Variants in CDH3 observed in about 807,000 individuals in gnomAD.
CDH3 encodes the protein cadherin 3.
A neutral mutation model predicts 82.0 loss-of-function variants in CDH3; 54 were observed. The observed-to-expected ratio is 0.66, with a 90% CI of 0.53 to 0.83. The LOEUF (loss-of-function observed/expected upper bound fraction) is 0.83, where lower values mean the gene tolerates loss of function less well. Among genes scored for constraint, CDH3 ranks in the 40% least tolerant of loss-of-function variants. CDH3 has a pLI of 0.00. For missense variants in CDH3, 1,054 were observed against 1,084.6 expected (o/e 0.97, Z 0.40); for synonymous variants, 446 against 437.9 (o/e 1.02, Z -0.23).
intron 2 of CDH3, among the ~76,000 whole-genome samples, chr16:68,659,015 A>G (rs1275319607): frequency 6.6e-6 from 1 of 152,180 alleles, no homozygotes; most frequent in Non-Finnish European, 1.5e-5. Context: ...TTTTTTCAAT[A>G]AAAATATGTG....
intron 1 of CDH3, 37 bp downstream of exon 1, chr16:68,645,461 G>A (rs1333731032): frequency 1.9e-6 from 3 of 1,606,660 alleles, no homozygotes; most frequent in Non-Finnish European, 1.7e-6. Flanking sequence ...GACCGGGACC[G>A]CTCCCTGGGG....
chr16:68,658,159 C>T (rs1960457491), intron 2 of CDH3, among the ~76,000 whole-genome samples: 1 of 151,324 alleles, frequency 6.6e-6, no homozygotes, highest in Admixed American at 6.6e-5. Flanking sequence ...CTCAGCACCC[C>T]AAAGTTGGGA....
At chr16:68,657,201 A>G (rs1960429285) in intron 2 of CDH3, among the ~76,000 whole-genome samples, 1 of 152,002 alleles carries the variant, frequency 6.6e-6, no homozygotes. Context: ...AGTGAACCAG[A>G]ATGCCTCACC....
chr16:68,731,020 CAAAAAAAAAAAAAAA>C (rs1168041237), downstream of CDH3, among the ~76,000 whole-genome samples: 1 of 34,904 alleles, frequency 2.9e-5, no homozygotes, highest in African/African-American at 1.8e-4. Flanking sequence ...AACTCCGTCT[CAAAAAAAAAAAAAAA>C]AAAAAAAAAA....
At chr16:68,702,651 G>A (rs892280422), downstream of CDH3, among the ~76,000 whole-genome samples, 12 of 152,088 alleles carry the variant, frequency 7.9e-5, no homozygotes, top group African/African-American at 2.9e-4. Context: ...GATCACCTGA[G>A]GTCAGGAGTT....
At chr16:68,652,638 C>T (rs188141730) in intron 2 of CDH3, among the ~76,000 whole-genome samples, 159 of 152,276 alleles carry the variant, frequency 1.0e-3, no homozygotes, top group Non-Finnish European at 1.6e-3. Context: ...CGATGAACAT[C>T]GCAAACTTAA....
At chr16:68,684,456 C>T (rs1385811118) in intron 9 of CDH3, 127 bp from the exon 10 acceptor site, 1 of 1,044,426 alleles carries the variant, frequency 9.6e-7, no homozygotes. Flanking sequence ...AGAGAAAGGG[C>T]AGCACTGTTG....
At chr16:68,654,878 A>G (rs1337312974) in intron 2 of CDH3, among the ~76,000 whole-genome samples, 1 of 151,780 alleles carries the variant, frequency 6.6e-6, no homozygotes, top group Non-Finnish European at 1.5e-5. Context: ...TCTACTAAAA[A>G]TACAAAAATT....
At chr16:68,660,987 A>G (rs578004865) in intron 2 of CDH3, among the ~76,000 whole-genome samples, 1 of 151,958 alleles carries the variant, frequency 6.6e-6, no homozygotes, top group African/African-American at 2.4e-5. Flanking sequence ...AAAAAAGAAG[A>G]AAATTACAAA....
chr16:68,716,408 C>CCCAGGAGCTCGAGA (rs1962095140), intron 1 of CDH3, among the ~76,000 whole-genome samples: 2 of 151,858 alleles, frequency 1.3e-5, no homozygotes, highest in Admixed American at 1.3e-4. Context: ...ATTGCTTGAG[C>CCCAGGAGCTCGAGA]CCAGGAGCTC....
At chr16:68,662,234 G>T (rs1960602620) in intron 2 of CDH3, among the ~76,000 whole-genome samples, 1 of 152,286 alleles carries the variant, frequency 6.6e-6, no homozygotes, top group East Asian at 1.9e-4. Context: ...AAGGCCCTGT[G>T]GTAGGGGGTT....
At chr16:68,722,551 C>T (rs1158974480) in exon 2 of CDH3, 1 of 152,224 alleles carries the variant, frequency 6.6e-6, no homozygotes, top group Non-Finnish European at 1.5e-5. Flanking sequence ...ACAGCCCTTC[C>T]ACAAATACAT....
chr16:68,732,297 T>A (rs148502599), downstream of CDH3, among the ~76,000 whole-genome samples: 2 of 152,324 alleles, frequency 1.3e-5, no homozygotes, highest in Non-Finnish European at 2.9e-5. Flanking sequence ...GGCTGGCGGT[T>A]GGACTCTTCT....
At chr16:68,717,583 G>T (rs967828496) in intron 1 of CDH3, among the ~76,000 whole-genome samples, 2 of 152,048 alleles carry the variant, frequency 1.3e-5, no homozygotes, top group African/African-American at 4.8e-5. Flanking sequence ...GACCAGCCTG[G>T]CCAACATGGT....
At chr16:68,688,361 G>A (rs1368087760) in intron 12 of CDH3, among the ~76,000 whole-genome samples, 2 of 151,936 alleles carry the variant, frequency 1.3e-5, no homozygotes, top group African/African-American at 4.8e-5. Flanking sequence ...AGCCTGAGGC[G>A]GGCGGGTCAC....
At position 68,726,800 on chromosome 16, in the gene CDH3, C is replaced by T. The variant is rs1183843008; in HGVS notation, c.*46-353C>T. Among the ~76,000 whole-genome samples the T allele has an allele frequency of 4.6e-5, 7 of 152,060 alleles. No homozygotes were observed. In the East Asian group the frequency reaches 7.7e-4, roughly 17 times the overall value. Reference sequence around the variant, plus strand: ...ATCACCAGGTTAGCCAGGATGGTCTCGATCTCCTGACCTTGTGATCTGCCT... The same window carrying T: ...ATCACCAGGTTAGCCAGGATGGTCTTGATCTCCTGACCTTGTGATCTGCCT... On this transcript the variant is annotated intron_variant, in intron 2 of 2. Transcript: ENST00000569080.
At chr16:68,646,505 C>G (rs1046465908) in intron 2 of CDH3, among the ~76,000 whole-genome samples, 1 of 139,636 alleles carries the variant, frequency 7.2e-6, no homozygotes, top group Non-Finnish European at 1.5e-5. Flanking sequence ...TACTCCTACC[C>G]CCCCCCTCCC....
intron 1 of CDH3, among the ~76,000 whole-genome samples, chr16:68,714,569 C>G (rs1344533586): frequency 1.3e-5 from 2 of 152,170 alleles, no homozygotes; most frequent in Admixed American, 1.3e-4. Flanking sequence ...ACCCAGCACA[C>G]AGAATTGTAA....
Position 68,653,399 on chromosome 16 carries a change from G to A in CDH3, c.160+7649G>A, listed in dbSNP as rs565762766. 3.3e-5 allele frequency among the ~76,000 whole-genome samples: 5 copies of A among 151,962 alleles called. No individual in the cohort carries two copies. The East Asian group carries it at 5.8e-4, about 18-fold the overall frequency. On this transcript the variant is annotated intron_variant, in intron 2 of 15. Coordinates refer to ENST00000264012, the MANE Select transcript of CDH3 (RefSeq NM_001793.6). ...ATTACAGGCATGCGCCACCAAGTCC[G>A]GCTAATTTTATATTTTTAGTAGAGA...
Sources: allele counts gnomAD v4.1 joint callset (sites outside exome capture counted in the v4.1 genomes callset), GRCh38; gene constraint gnomAD v4.1.1; transcripts MANE v1.5; gene names NCBI Gene and HGNC (gene_info 2026-07-23, HGNC 2026-07-21).